Variants in GIMAP8 observed in about 807,000 individuals in gnomAD.
The protein encoded by GIMAP8 is GTPase, IMAP family member 8.
Under a neutral mutation model 35.6 loss-of-function variants are expected in GIMAP8, and 29 were observed. The observed-to-expected ratio is 0.81, with a 90% CI of 0.61 to 1.11. The LOEUF (loss-of-function observed/expected upper bound fraction) is 1.11, where lower values mean the gene tolerates loss of function less well. Ranked by LOEUF, GIMAP8 falls within the 50% of genes most tolerant of loss-of-function variation. The pLI, the probability that GIMAP8 is intolerant of heterozygous loss-of-function variation, is 0.00. For missense variants in GIMAP8, 811 were observed against 805.0 expected, an observed-to-expected ratio of 1.01 and a Z score of -0.09; for synonymous variants, 335 against 308.7, an observed-to-expected ratio of 1.09 and a Z score of -0.89.
intron 1 of GIMAP8, among the ~76,000 whole-genome samples, chr7:150,461,760 A>T (rs374681890): frequency 2.0e-5 from 3 of 152,034 alleles, no homozygotes; most frequent in East Asian, 3.9e-4. Context: ...TTTTGCTTTA[A>T]ATTGGTGAAT....
In GIMAP8 at chr7:150,477,807, A is replaced by T; in HGVS notation, c.*27A>T. 6.4e-7 allele frequency: 1 copy of T among 1,553,624 alleles called. No homozygotes were observed. Among genetic ancestry groups the T allele is most frequent in the Non-Finnish European group, 8.8e-7 (1 of 1,134,852 alleles). On this transcript the variant is annotated 3_prime_UTR_variant, in exon 5 of 5. Transcript: ENST00000307271. ...TAGCCGAAGTGCCTGGGGTCTCTTC[A>T]ATTAGAGACACCCTCAGGTTGGGGG...
intron 3 of GIMAP8, among the ~76,000 whole-genome samples, chr7:150,471,836 CAA>C (rs11392838): frequency 1.4e-5 from 2 of 140,340 alleles, no homozygotes. Context: ...GACCCTGTCT[CAA>C]AAAAAAAAAA....
At chr7:150,456,845 A>C (rs1801741205) in intron 1 of GIMAP8, among the ~76,000 whole-genome samples, 1 of 152,236 alleles carries the variant, frequency 6.6e-6, no homozygotes, top group South Asian at 2.1e-4. Context: ...CAAATTCCAG[A>C]GAGATTAAAG....
At chr7:150,457,600 T>C (rs926614085) in intron 1 of GIMAP8, among the ~76,000 whole-genome samples, 2 of 152,164 alleles carry the variant, frequency 1.3e-5, no homozygotes, top group African/African-American at 4.8e-5. Flanking sequence ...AACCAGAACA[T>C]ATACATCATT....
At chr7:150,475,185 T>A (rs192449115) in intron 4 of GIMAP8, among the ~76,000 whole-genome samples, 45 of 152,334 alleles carry the variant, frequency 3.0e-4, no homozygotes, top group African/African-American at 8.2e-4. Flanking sequence ...CCTCCAGCTC[T>A]ATCTATGTTA....
intron 2 of GIMAP8, among the ~76,000 whole-genome samples, chr7:150,470,482 TG>T (rs1802063044): frequency 6.6e-6 from 1 of 151,130 alleles, no homozygotes; most frequent in Admixed American, 6.6e-5. Context: ...TTGCCAGACT[TG>T]GGGGGGTGGG....
At chr7:150,467,726 C>G (rs541051970) in intron 2 of GIMAP8, among the ~76,000 whole-genome samples, 1 of 152,230 alleles carries the variant, frequency 6.6e-6, no homozygotes, top group South Asian at 2.1e-4. Context: ...TCTCTGACGT[C>G]TAAAAATGAA....
chr7:150,474,863 A>G (rs1412981433), intron 4 of GIMAP8, among the ~76,000 whole-genome samples: 1 of 151,652 alleles, frequency 6.6e-6, no homozygotes, highest in Non-Finnish European at 1.5e-5. Context: ...TCCCAATGCT[A>G]TCCCTCCCCA....
chr7:150,463,221 T>C (rs1400541818), intron 1 of GIMAP8, among the ~76,000 whole-genome samples: 1 of 152,094 alleles, frequency 6.6e-6, no homozygotes, highest in Non-Finnish European at 1.5e-5. Context: ...CTTTATTGAA[T>C]TTCTCATTCA....
intron 2 of GIMAP8, among the ~76,000 whole-genome samples, chr7:150,467,708 T>C (rs1329628623): frequency 6.6e-6 from 1 of 152,206 alleles, no homozygotes; most frequent in Non-Finnish European, 1.5e-5. Flanking sequence ...CGCTGAGTCC[T>C]TCTCTAATCT....
rs1289115411 is a variant in GIMAP8 at position 150,475,237 on chromosome 7, T to C, written c.1309+599T>C. ...TTCATTCTTTTTTATGGCTGCCTATTATTCTATGGTGTATATGTACCTGTA... is the reference window on the plus strand; with the variant it reads ...TTCATTCTTTTTTATGGCTGCCTATCATTCTATGGTGTATATGTACCTGTA... On this transcript the variant is annotated intron_variant, in intron 4 of 4. Transcript: ENST00000307271. 2.6e-5 allele frequency among the ~76,000 whole-genome samples: 4 copies of C among 152,246 alleles called. No individual in the cohort carries two copies. In the East Asian group the frequency reaches 5.8e-4, roughly 22 times the overall value.
At chr7:150,457,157 T>G (rs555281822) in intron 1 of GIMAP8, among the ~76,000 whole-genome samples, 1 of 152,348 alleles carries the variant, frequency 6.6e-6, no homozygotes, top group East Asian at 1.9e-4. Flanking sequence ...CTAAAAGTAT[T>G]CCTTAAGGAG....
At chr7:150,456,044 G>A (rs915725205) in intron 1 of GIMAP8, among the ~76,000 whole-genome samples, 10 of 152,098 alleles carry the variant, frequency 6.6e-5, no homozygotes, top group Non-Finnish European at 1.5e-4. Flanking sequence ...ATGACAACAG[G>A]AACTGTCTAC....
At chr7:150,473,970 A>G (rs576724534) in intron 3 of GIMAP8, 42 bp from the exon 4 acceptor site, 5 of 1,562,820 alleles carry the variant, frequency 3.2e-6, no homozygotes, top group Non-Finnish European at 4.3e-6. Context: ...ATCCATATTC[A>G]ACTGCAGGAA....
intron 2 of GIMAP8, among the ~76,000 whole-genome samples, chr7:150,469,168 C>G (rs1486491606): frequency 2.0e-5 from 3 of 152,214 alleles, no homozygotes; most frequent in Non-Finnish European, 4.4e-5. Flanking sequence ...CTGTTTGCCC[C>G]TGAGTTACAC....
At position 150,466,983 on chromosome 7, in the gene GIMAP8, T is replaced by A; in HGVS notation, c.285T>A (p.His95Gln). ...HCLELSAPSL[H>Q]ALLLVIAIGH... ...TGGAGCTCTCTGCTCCCAGCCTCCA[T>A]GCTCTGCTCTTGGTAATTGCCATCG... The change falls in exon 2 of 5, where the codon CAT becomes CAA. Residue 95 changes from histidine (H) to glutamine (Q), a missense_variant. His to Gln is a conservative substitution (Grantham distance 24). Coordinates refer to ENST00000307271, the MANE Select transcript of GIMAP8 (RefSeq NM_175571.4). 6.2e-7 allele frequency: 1 copy of A among 1,614,206 alleles called. No homozygotes were observed. Among genetic ancestry groups the A allele is most frequent in the Non-Finnish European group, 8.5e-7 (1 of 1,180,026 alleles).
At position 150,477,820 on chromosome 7, in the gene GIMAP8, C is replaced by T. The variant is rs1294454480; in HGVS notation, c.*40C>T. Reference sequence around the variant, plus strand: ...TGGGGTCTCTTCAATTAGAGACACCCTCAGGTTGGGGGGAGGGGCGGGGCA... The same window carrying T: ...TGGGGTCTCTTCAATTAGAGACACCTTCAGGTTGGGGGGAGGGGCGGGGCA... On this transcript the variant is annotated 3_prime_UTR_variant, in exon 5 of 5. Transcript: ENST00000307271. The T allele has an allele frequency of 3.3e-6, 5 of 1,517,854 alleles. No individual in the cohort carries two copies. In the South Asian group the frequency reaches 3.6e-5, roughly 11 times the overall value. The allele number at this position is 1,517,854 out of a possible 1,614,324, so 94.0% of individuals were successfully genotyped here.
rs773102760 is a variant in GIMAP8, at chr7:150,474,495, T to A, written c.1166T>A (p.Ile389Asn). 8.1e-6 allele frequency: 13 copies of A among 1,613,900 alleles called. No homozygotes were observed. The highest frequency in any genetic ancestry group is 1.0e-5 in the Non-Finnish European group (12 of 1,179,914). ...RNSNKALYGLIQKCKNRYSAF... is the reference protein window; with the variant it reads ...RNSNKALYGLNQKCKNRYSAF... ...AGCAATAAAGCTCTCTATGGTCTCA[T>A]CCAGAAGTGTAAAAACAGATATAGT... is the stretch of plus-strand genomic sequence containing the variant. The change falls in exon 4 of 5, where the codon ATC becomes AAC. Residue 389 changes from isoleucine (I) to asparagine (N), a missense_variant. By Grantham distance (149) the Ile-to-Asn change is moderately radical. Coordinates refer to ENST00000307271, the MANE Select transcript of GIMAP8 (RefSeq NM_175571.4).
chr7:150,474,105 G>A lies in GIMAP8; in HGVS notation c.776G>A (p.Gly259Glu), dbSNP rs1480798484. 3.1e-6 allele frequency: 5 copies of A among 1,614,056 alleles called. No homozygotes were observed. The African/African-American group carries it at 6.7e-5, about 22-fold the overall frequency. The part of the protein sequence containing the change: ...TVLLVGKRGA[G>E]KSAAGNSILG... ...CTCCTTGTGGGGAAACGCGGTGCTG[G>A]AAAAAGTGCAGCAGGAAACAGCATT... Residue 259 changes from glycine to glutamate, a missense_variant, in exon 4 of 5, where the codon GGA (glycine) becomes GAA (glutamate). Physicochemically the swap from Gly to Glu is moderately conservative, Grantham distance 98 (BLOSUM62 -2). Coordinates refer to ENST00000307271, the MANE Select transcript of GIMAP8 (RefSeq NM_175571.4).
Sources: allele counts gnomAD v4.1 joint callset (sites outside exome capture counted in the v4.1 genomes callset), GRCh38; gene constraint gnomAD v4.1.1; transcripts MANE v1.5; gene names NCBI Gene and HGNC (gene_info 2026-07-23, HGNC 2026-07-21).